The following SPON1 variants were observed in gnomAD, a reference collection of about 807,000 sequenced individuals.
SPON1 encodes the protein spondin 1.
Under a neutral mutation model 111.7 loss-of-function variants are expected in SPON1, and 52 were observed. The ratio of observed to expected loss-of-function variants is 0.47; its 90% CI spans 0.37 to 0.59. The LOEUF (loss-of-function observed/expected upper bound fraction) is 0.59, where lower values mean the gene tolerates loss of function less well. Among genes scored for constraint, SPON1 ranks in the 20% least tolerant of loss-of-function variants. The pLI, the probability that SPON1 is intolerant of heterozygous loss-of-function variation, is 0.00. For missense variants in SPON1, 957 were observed against 1,068.5 expected, an observed-to-expected ratio of 0.90 and a Z score of 1.46; for synonymous variants, 410 against 395.8, an observed-to-expected ratio of 1.04 and a Z score of -0.43.
chr11:14,136,252 G>A (rs1554928074), intron 6 of SPON1, among the ~76,000 whole-genome samples: 1 of 152,170 alleles, frequency 6.6e-6, no homozygotes, highest in Non-Finnish European at 1.5e-5. Flanking sequence ...GTGGTGGTTT[G>A]CTGCAAGACA....
At chr11:13,978,392 A>C (rs1848118762) in intron 1 of SPON1, among the ~76,000 whole-genome samples, 1 of 152,188 alleles carries the variant, frequency 6.6e-6, no homozygotes, top group Non-Finnish European at 1.5e-5. Flanking sequence ...ACTCAAGTAA[A>C]TTTAATAGCA....
chr11:14,009,348 T>C (rs140939527), intron 2 of SPON1, among the ~76,000 whole-genome samples: 4 of 152,308 alleles, frequency 2.6e-5, no homozygotes, highest in Admixed American at 6.5e-5. Flanking sequence ...TGGTCTTCTA[T>C]GAACGCTCCC....
intron 2 of SPON1, among the ~76,000 whole-genome samples, chr11:13,986,581 CTT>C (rs370430969): frequency 3.3e-4 from 47 of 143,308 alleles, no homozygotes; most frequent in African/African-American, 7.4e-4. Context: ...TCTGAATATT[CTT>C]TTTTTTTTTT....
chr11:14,253,611 G>A (rs1404005049), intron 7 of SPON1, among the ~76,000 whole-genome samples: 1 of 152,214 alleles, frequency 6.6e-6, no homozygotes, highest in Non-Finnish European at 1.5e-5. Context: ...AGACAGCTGA[G>A]GCAGACCAGC....
At position 13,962,982 on chromosome 11, in the gene SPON1, G is replaced by T. The variant is rs906243076; in HGVS notation, c.78G>T (p.Ala26=). 1.6e-5 allele frequency: 26 copies of T among 1,594,838 alleles called. No homozygotes were observed. The highest frequency in any genetic ancestry group is 2.3e-5 in the South Asian group (2 of 87,812). ...LLALALPLAA[A]LAFSDETLDK... Reference sequence around the variant, plus strand: ...CCCTGGCGCTGCCCCTGGCCGCGGCGCTGGCCTTCTCCGACGAGACCCTGG... The same window carrying T: ...CCCTGGCGCTGCCCCTGGCCGCGGCTCTGGCCTTCTCCGACGAGACCCTGG... The change falls in exon 1 of 16, where the codon GCG becomes GCT. Residue 26 remains alanine (A), a synonymous_variant. Transcript: ENST00000576479.
chr11:14,177,391 G>A (rs192726651), intron 6 of SPON1, among the ~76,000 whole-genome samples: 15 of 152,234 alleles, frequency 9.9e-5, no homozygotes, highest in Non-Finnish European at 8.8e-5. Context: ...TGAGCCAGGA[G>A]TGCTGATTGG....
At chr11:14,109,078 C>T (rs1849207514) in intron 5 of SPON1, among the ~76,000 whole-genome samples, 2 of 152,164 alleles carry the variant, frequency 1.3e-5, no homozygotes, top group East Asian at 1.9e-4. Context: ...TAAACCATCA[C>T]TTCTTTAAGG....
At chr11:13,975,606 G>A (rs933048447) in intron 1 of SPON1, among the ~76,000 whole-genome samples, 8 of 152,150 alleles carry the variant, frequency 5.3e-5, no homozygotes, top group Non-Finnish European at 7.3e-5. Context: ...GGTATTGTGT[G>A]GAGGTGAAAG....
At chr11:14,257,969 A>G (rs1554941423) in intron 11 of SPON1, 71 bp downstream of exon 11, 2 of 1,405,718 alleles carry the variant, frequency 1.4e-6, no homozygotes, top group Non-Finnish European at 1.9e-6. Context: ...TAGCAGTCAG[A>G]CAGTGTCCCT....
chr11:14,260,495 G>T, intron 13 of SPON1, 93 bp from the exon 14 acceptor site: 2 of 1,396,324 alleles, frequency 1.4e-6, no homozygotes, highest in Non-Finnish European at 2.0e-6. Context: ...AGGGGCCAAA[G>T]CAGGGGACTC....
intron 4 of SPON1, among the ~76,000 whole-genome samples, chr11:14,078,032 A>G (rs1848932209): frequency 6.6e-6 from 1 of 152,278 alleles, no homozygotes; most frequent in East Asian, 1.9e-4. Flanking sequence ...GAAATTACCC[A>G]TGGTTGGCAG....
intron 3 of SPON1, among the ~76,000 whole-genome samples, chr11:14,061,863 G>A (rs1848793530): frequency 6.6e-6 from 1 of 152,224 alleles, no homozygotes; most frequent in African/African-American, 2.4e-5. Flanking sequence ...TTTTTATGCT[G>A]ATGAGGCCTA....
Position 14,266,436 on chromosome 11 carries a change from A to G in SPON1, c.*749A>G, listed in dbSNP as rs1299379728. ...TTTTCCCTTGCTTTTGGGGGTTCAGAGGAGTATGTACAATTCTTCTGGGAA... is the reference window on the plus strand; with the variant it reads ...TTTTCCCTTGCTTTTGGGGGTTCAGGGGAGTATGTACAATTCTTCTGGGAA... On this transcript the variant is annotated 3_prime_UTR_variant, in exon 16 of 16. Transcript: ENST00000576479. 2.0e-5 allele frequency: 3 copies of G among 152,148 alleles called. No homozygotes were observed. The highest frequency in any genetic ancestry group is 7.2e-5 in the African/African-American group (3 of 41,426). 9.4% of individuals were successfully genotyped at this position (152,148 alleles called of 1,614,324 possible).
At chr11:13,967,017 A>G (rs1554908086) in intron 1 of SPON1, among the ~76,000 whole-genome samples, 1 of 152,180 alleles carries the variant, frequency 6.6e-6, no homozygotes, top group East Asian at 1.9e-4. Context: ...AGTTCTTCCG[A>G]CTCATCTCAC....
intron 5 of SPON1, among the ~76,000 whole-genome samples, chr11:14,131,197 G>T (rs1847524729): frequency 6.6e-6 from 1 of 152,156 alleles, no homozygotes; most frequent in Non-Finnish European, 1.5e-5. Context: ...TGACCTCACA[G>T]TGGGATGTAG....
intron 2 of SPON1, among the ~76,000 whole-genome samples, chr11:14,018,347 C>T (rs1273939426): frequency 6.6e-6 from 1 of 152,134 alleles, no homozygotes; most frequent in African/African-American, 2.4e-5. Context: ...TCCAGGTAGT[C>T]ACTTAGGAAT....
intron 15 of SPON1, among the ~76,000 whole-genome samples, chr11:14,263,244 A>G (rs1849210923): frequency 6.6e-6 from 1 of 152,112 alleles, no homozygotes; most frequent in Non-Finnish European, 1.5e-5. Context: ...ATAAATTTTC[A>G]AGCAAAGAAT....
At chr11:14,046,126 A>G (rs1848666361) in intron 3 of SPON1, among the ~76,000 whole-genome samples, 1 of 152,226 alleles carries the variant, frequency 6.6e-6, no homozygotes, top group East Asian at 1.9e-4. Context: ...GCAAAATAAC[A>G]GTGAAGGAGG....
Position 13,994,658 on chromosome 11 carries a change from C to A in SPON1, c.345+11705C>A, listed in dbSNP as rs553702699. Among the ~76,000 whole-genome samples, 270 of 152,252 alleles carry A rather than the reference C, an allele frequency of 1.8e-3. 2 individuals are homozygous for A. The highest frequency in any genetic ancestry group is 6.1e-3 in the African/African-American group (253 of 41,546). ...AACCACCTACTTGGATCCAAATAAC[C>A]AATTGCACGAGTACAAGATGAGAGA... On this transcript the variant is annotated intron_variant, in intron 2 of 15. Coordinates refer to ENST00000576479, the MANE Select transcript of SPON1 (RefSeq NM_006108.4).
Sources: gnomAD v4.1 joint callset for allele counts (sites outside exome capture counted in the v4.1 genomes callset) on GRCh38, gnomAD v4.1.1 for gene constraint, MANE v1.5 for transcripts, NCBI Gene and HGNC (gene_info 2026-07-23, HGNC 2026-07-21) for gene names.